The following ATG13 variants were observed in gnomAD, a reference collection of about 807,000 sequenced individuals.
ATG13 encodes the protein autophagy-related protein 13.
ATG13 carries 23 observed loss-of-function variants against 65.5 expected under a neutral mutation model. That is an observed-to-expected ratio of 0.35 (90% CI 0.25 to 0.50). ATG13 has a LOEUF of 0.50. Ranked by LOEUF, ATG13 falls within the 20% of genes least tolerant of loss-of-function variation. ATG13 has a pLI of 0.98. For synonymous variants in ATG13, 252 were observed against 245.2 expected (o/e 1.03, Z -0.26); for missense variants, 566 against 677.0 (o/e 0.84, Z 1.82).
chr11:46,621,992 G>A (rs1008090430), intron 1 of ATG13, among the ~76,000 whole-genome samples: 1 of 148,624 alleles, frequency 6.7e-6, no homozygotes, highest in Admixed American at 6.8e-5. Context: ...ACATCTTTAT[G>A]TGTTTGTAGT....
At chr11:46,652,071 A>T (rs968367548) in intron 7 of ATG13, among the ~76,000 whole-genome samples, 5 of 152,002 alleles carry the variant, frequency 3.3e-5, no homozygotes, top group African/African-American at 4.8e-5. Context: ...ACATAGCGAA[A>T]CACTGTCTCT....
intron 1 of ATG13, among the ~76,000 whole-genome samples, chr11:46,619,895 G>C (rs2046864388): frequency 1.3e-5 from 2 of 151,234 alleles, no homozygotes; most frequent in South Asian, 4.2e-4. Flanking sequence ...TGGACGTAGT[G>C]TTGGGCGCCT....
Position 46,672,501 on chromosome 11 carries a change from C to A in ATG13, c.*169C>A. 6.7e-7 allele frequency: 1 copy of A among 1,484,680 alleles called. No individual in the cohort carries two copies. The highest frequency in any genetic ancestry group is 8.9e-7 in the Non-Finnish European group (1 of 1,118,984). The allele number at this position is 1,484,680 out of a possible 1,614,324, so 92.0% of individuals were successfully genotyped here. On this transcript the variant is annotated 3_prime_UTR_variant, in exon 19 of 19. Transcript: ENST00000683050. ...CCTACTCTTGGACCTCCTGGAGACT[C>A]CGTGGCGGCAGTCAAGCCCAGTGCC...
intron 1 of ATG13, among the ~76,000 whole-genome samples, chr11:46,622,746 C>T (rs1235090042): frequency 6.6e-6 from 1 of 152,108 alleles, no homozygotes; most frequent in East Asian, 1.9e-4. Context: ...TTTTCATATC[C>T]AAAACTTGTA....
intron 10 of ATG13, among the ~76,000 whole-genome samples, chr11:46,658,484 C>T (rs1218009138): frequency 6.6e-6 from 1 of 151,862 alleles, no homozygotes; most frequent in African/African-American, 2.4e-5. Context: ...TTGCTCAAGC[C>T]CAGGAGTTGG....
In ATG13 at chr11:46,657,095, G is replaced by C; in HGVS notation, c.500G>C (p.Gly167Ala). Residue 167 changes from glycine to alanine, a missense_variant and splice_region_variant, in exon 9 of 19, where the codon GGC (glycine) becomes GCC (alanine). Physicochemically the swap from Gly to Ala is moderately conservative, Grantham distance 60. Transcript: ENST00000683050. ...GCTAATAATGTATCTCTTCTCCTAG[G>C]CTTCCAGACAGTTCGTGTTGGGACA... ...GEVQLSGLGE[G>A]FQTVRVGTVG... The C allele has an allele frequency of 6.2e-7, 1 of 1,612,600 alleles. No homozygotes were observed. The highest frequency in any genetic ancestry group is 8.5e-7 in the Non-Finnish European group (1 of 1,178,652).
chr11:46,645,517 AT>A, intron 4 of ATG13, 98 bp downstream of exon 4: 1 of 1,002,776 alleles, frequency 1.0e-6, no homozygotes, highest in Non-Finnish European at 1.5e-6. Flanking sequence ...CATTTATAGT[AT>A]TATAAAAGTA....
In ATG13 at chr11:46,627,598, G is replaced by A. The variant is rs371590124; in HGVS notation, c.-69-2447G>A. On this transcript the variant is annotated intron_variant, in intron 1 of 18. Transcript: ENST00000683050. ...CGATTCTCCTGCCTCAGCCTCCCAA[G>A]TAGCTGGGATTACAGGCATGTGTCA... is the stretch of plus-strand genomic sequence containing the variant. Among the ~76,000 whole-genome samples the A allele has an allele frequency of 4.0e-5, 6 of 151,828 alleles. No homozygotes were observed. The East Asian group carries it at 7.9e-4, about 20-fold the overall frequency.
chr11:46,621,860 G>C (rs1263833329), intron 1 of ATG13, among the ~76,000 whole-genome samples: 1 of 151,684 alleles, frequency 6.6e-6, no homozygotes, highest in Non-Finnish European at 1.5e-5. Flanking sequence ...ACAGGCCTCG[G>C]TTCCCTGGCA....
chr11:46,645,456 T>C (rs2057285709), intron 4 of ATG13, 37 bp downstream of exon 4: 1 of 1,559,834 alleles, frequency 6.4e-7, no homozygotes, highest in Non-Finnish European at 8.8e-7. Flanking sequence ...TATACTGTAG[T>C]GTTTGTCACA....
chr11:46,633,220 T>A (rs1164759757), intron 2 of ATG13, among the ~76,000 whole-genome samples: 1 of 149,502 alleles, frequency 6.7e-6, no homozygotes, highest in Non-Finnish European at 1.5e-5. Context: ...GAGATGGGGC[T>A]TCACCATGTT....
At chr11:46,638,653 T>C (rs2054825779) in intron 2 of ATG13, 1 of 152,166 alleles carries the variant, frequency 6.6e-6, no homozygotes, top group Non-Finnish European at 1.5e-5. Flanking sequence ...AACAACATCT[T>C]AGATTCCACG....
intron 11 of ATG13, among the ~76,000 whole-genome samples, chr11:46,660,442 C>T (rs1176642491): frequency 1.4e-5 from 2 of 139,116 alleles, no homozygotes; most frequent in African/African-American, 2.7e-5. Context: ...CGGAGTCTTG[C>T]TCTGTCACCC....
intron 1 of ATG13, among the ~76,000 whole-genome samples, chr11:46,627,098 G>A (rs976766661): frequency 1.3e-5 from 2 of 151,980 alleles, no homozygotes; most frequent in African/African-American, 2.4e-5. Flanking sequence ...TAATTAGCCC[G>A]GGCCGGGCGT....
chr11:46,667,325 A>C (rs1307382711), intron 14 of ATG13, among the ~76,000 whole-genome samples: 2 of 152,170 alleles, frequency 1.3e-5, no homozygotes. Context: ...CCCCCTGTGC[A>C]GGACTCAGCT....
At chr11:46,622,431 A>G (rs1384803491) in intron 1 of ATG13, among the ~76,000 whole-genome samples, 1 of 152,136 alleles carries the variant, frequency 6.6e-6, no homozygotes, top group Non-Finnish European at 1.5e-5. Flanking sequence ...ATGCATTAAA[A>G]TATTTTAAAT....
Position 46,668,822 on chromosome 11 carries a change from A to C in ATG13, c.1358A>C (p.Glu453Ala). ...MVNPPDSPET[E>A]SPLQGSLHSD... The stretch of plus-strand genomic sequence containing the variant: ...AATCCTCCAGATTCCCCAGAGACTG[A>C]ATCTCCTCTCCAGGGCAGCCTGCAC... Residue 453 changes from glutamate (E) to alanine (A), a missense_variant, in exon 17 of 19, where the codon GAA (glutamate) becomes GCA (alanine). Physicochemically the swap from Glu to Ala is moderately radical, Grantham distance 107 (BLOSUM62 -1). Transcript: ENST00000683050. The C allele has an allele frequency of 6.2e-7, 1 of 1,613,912 alleles. No individual in the cohort carries two copies. The highest frequency in any genetic ancestry group is 8.5e-7 in the Non-Finnish European group (1 of 1,180,000).
chr11:46,654,022 A>T (rs1188639534), intron 7 of ATG13, among the ~76,000 whole-genome samples: 1 of 151,770 alleles, frequency 6.6e-6, no homozygotes, highest in African/African-American at 2.4e-5. Context: ...TCCAGGGAGA[A>T]TCATAGGAAG....
At position 46,664,828 on chromosome 11, in the gene ATG13, CTT is replaced by C. The variant is rs747401267; in HGVS notation, c.889-19_889-18del. 7 of 1,601,830 alleles carry C rather than the reference CTT, an allele frequency of 4.4e-6. No homozygotes were observed. The Admixed American group carries it at 6.7e-5, about 15-fold the overall frequency. On this transcript the variant is annotated intron_variant, in intron 12 of 18. Coordinates refer to ENST00000683050, the MANE Select transcript of ATG13 (RefSeq NM_001346311.2). The stretch of plus-strand genomic sequence containing the variant: ...TTTTCCTTGCCTTTCCTTTTCTCCT[CTT>C]TGTTTTTCTCTTGCTTAGCTCTCAA...
Sources: gnomAD v4.1 joint callset for allele counts (sites outside exome capture counted in the v4.1 genomes callset) on GRCh38, gnomAD v4.1.1 for gene constraint, MANE v1.5 for transcripts, NCBI Gene and HGNC (gene_info 2026-07-23, HGNC 2026-07-21) for gene names.